RAB3C: variants seen among roughly 807,000 people sequenced by gnomAD.
RAB3C encodes ras-related protein Rab-3C.
RAB3C carries 17 observed loss-of-function variants against 26.4 expected under a neutral mutation model. The observed-to-expected ratio is 0.64, with a 90% CI of 0.44 to 0.97. RAB3C has a LOEUF of 0.97. RAB3C is among the 50% of genes least tolerant of loss of function. The pLI is 0.00. For synonymous variants in RAB3C, 91 were observed against 95.9 expected, an observed-to-expected ratio of 0.95 and a Z score of 0.30; for missense variants, 242 against 281.9, an observed-to-expected ratio of 0.86 and a Z score of 1.01.
chr5:58,719,766 G>GT (rs1740702532), intron 2 of RAB3C, among the ~76,000 whole-genome samples: 1 of 151,854 alleles, frequency 6.6e-6, no homozygotes, highest in Non-Finnish European at 1.5e-5. Context: ...TCTCTAAAGT[G>GT]TTATGTATAT....
At chr5:58,584,750 G>T (rs1295056959) in intron 1 of RAB3C, among the ~76,000 whole-genome samples, 1 of 152,000 alleles carries the variant, frequency 6.6e-6, no homozygotes, top group African/African-American at 2.4e-5. Flanking sequence ...AAAGTAGATT[G>T]TTAATATTTA....
At chr5:58,837,659 A>G (rs1743781637) in intron 4 of RAB3C, among the ~76,000 whole-genome samples, 1 of 151,034 alleles carries the variant, frequency 6.6e-6, no homozygotes, top group Non-Finnish European at 1.5e-5. Context: ...CCAAGGTTCA[A>G]GTGATTCTTC....
intron 2 of RAB3C, among the ~76,000 whole-genome samples, chr5:58,722,193 G>A (rs571599541): frequency 6.6e-6 from 1 of 151,984 alleles, no homozygotes; most frequent in South Asian, 2.1e-4. Flanking sequence ...AAGAGGTCAA[G>A]AAGGAAGAGA....
intron 2 of RAB3C, among the ~76,000 whole-genome samples, chr5:58,691,945 A>G (rs1022421214): frequency 2.0e-5 from 3 of 152,156 alleles, no homozygotes; most frequent in African/African-American, 4.8e-5. Context: ...AGATTCATGG[A>G]CCCAAGCATA....
At chr5:58,588,613 T>C (rs1746061495) in intron 1 of RAB3C, among the ~76,000 whole-genome samples, 1 of 152,120 alleles carries the variant, frequency 6.6e-6, no homozygotes, top group Non-Finnish European at 1.5e-5. Context: ...TCAAGTCAGG[T>C]AGATATATAA....
intron 2 of RAB3C, among the ~76,000 whole-genome samples, chr5:58,637,217 A>G (rs996310889): frequency 1.3e-5 from 2 of 151,914 alleles, no homozygotes; most frequent in Admixed American, 6.6e-5. Flanking sequence ...TCTTTTAGTA[A>G]GCCTTTCTGG....
intron 4 of RAB3C, among the ~76,000 whole-genome samples, chr5:58,847,979 C>T (rs2112087834): frequency 6.6e-6 from 1 of 152,296 alleles, no homozygotes; most frequent in Middle Eastern, 3.4e-3. Context: ...GGCTCAGCCT[C>T]CTGAGTAGCT....
At chr5:58,776,897 A>T (rs1402277655) in intron 3 of RAB3C, among the ~76,000 whole-genome samples, 1 of 152,190 alleles carries the variant, frequency 6.6e-6, no homozygotes, top group Non-Finnish European at 1.5e-5. Context: ...CAGTATGTAT[A>T]TAACTTCTGC....
rs369086869 is a variant in RAB3C, at chr5:58,658,669, G to A, written c.252+40799G>A. Among the ~76,000 whole-genome samples the A allele has an allele frequency of 7.9e-5, 12 of 152,242 alleles. 1 individual carries two copies. In the East Asian group the frequency reaches 1.5e-3, roughly 20 times the overall value. On this transcript the variant is annotated intron_variant, in intron 2 of 4. Transcript: ENST00000282878. The stretch of plus-strand genomic sequence containing the variant: ...CAATTTGGACTGGGTTTAGCTGGGT[G>A]GCTCTTCTGGTCCTGATTAGATTCT...
At chr5:58,708,598 G>A (rs946109945) in intron 2 of RAB3C, among the ~76,000 whole-genome samples, 4 of 152,190 alleles carry the variant, frequency 2.6e-5, no homozygotes, top group African/African-American at 9.6e-5. Flanking sequence ...AATTCAAGCA[G>A]TAGAGTCTGT....
At chr5:58,820,265 C>T (rs892015351) in intron 3 of RAB3C, among the ~76,000 whole-genome samples, 2 of 151,182 alleles carry the variant, frequency 1.3e-5, no homozygotes, top group African/African-American at 4.9e-5. Context: ...TTCAAAGCAA[C>T]AAGAAGCTGA....
chr5:58,828,648 G>A (rs1306018043), intron 4 of RAB3C, among the ~76,000 whole-genome samples: 1 of 152,226 alleles, frequency 6.6e-6, no homozygotes, highest in Non-Finnish European at 1.5e-5. Context: ...TAGAGTAGTG[G>A]TCTAATCATC....
chr5:58,586,764 G>T (rs1746016831), intron 1 of RAB3C, among the ~76,000 whole-genome samples: 1 of 152,082 alleles, frequency 6.6e-6, no homozygotes, highest in Admixed American at 6.6e-5. Context: ...AGATGAGGAG[G>T]ATTGAAGAAG....
At chr5:58,627,464 T>A (rs1747079251) in intron 2 of RAB3C, among the ~76,000 whole-genome samples, 1 of 71,872 alleles carries the variant, frequency 1.4e-5, no homozygotes, top group African/African-American at 5.0e-5. Flanking sequence ...AGAGCGAGAC[T>A]CCGTCTTAAA....
intron 2 of RAB3C, among the ~76,000 whole-genome samples, chr5:58,646,013 CG>C (rs955352297): frequency 1.3e-5 from 2 of 152,136 alleles, no homozygotes; most frequent in African/African-American, 4.8e-5. Context: ...CTGGAGTGTG[CG>C]GGACATTCTA....
intron 1 of RAB3C, among the ~76,000 whole-genome samples, chr5:58,597,538 GCA>G (rs1330008612): frequency 5.5e-5 from 6 of 109,102 alleles, no homozygotes; most frequent in African/African-American, 1.4e-4. Context: ...TTATATATAA[GCA>G]TATAACAATA....
intron 2 of RAB3C, among the ~76,000 whole-genome samples, chr5:58,673,006 A>G (rs984264953): frequency 1.3e-5 from 2 of 152,190 alleles, no homozygotes; most frequent in African/African-American, 4.8e-5. Context: ...ATATGTTAGT[A>G]TTTAATTCTG....
intron 3 of RAB3C, among the ~76,000 whole-genome samples, chr5:58,803,689 T>C (rs142989480): frequency 6.6e-6 from 1 of 152,246 alleles, no homozygotes; most frequent in East Asian, 1.9e-4. Flanking sequence ...AGAAGATGGC[T>C]AGGGGATCAG....
In RAB3C at chr5:58,857,142, G is replaced by A. The variant is rs1159972727; in HGVS notation, c.*5791G>A. The A allele has an allele frequency of 6.6e-6, 1 of 152,162 alleles. No homozygotes were observed. The highest frequency in any genetic ancestry group is 1.5e-5 in the Non-Finnish European group (1 of 68,032). The allele number at this position is 152,162 out of a possible 1,614,324, so 9.4% of individuals were successfully genotyped here. ...TCAGTGTATATAAACTAGTATGAAA[G>A]AGTGAATTATAATGAATGTGTGAGA... is the stretch of plus-strand genomic sequence containing the variant. On this transcript the variant is annotated 3_prime_UTR_variant, in exon 5 of 5. Coordinates refer to ENST00000282878, the MANE Select transcript of RAB3C (RefSeq NM_138453.4).
Sources: allele counts gnomAD v4.1 joint callset (sites outside exome capture counted in the v4.1 genomes callset), GRCh38; gene constraint gnomAD v4.1.1; transcripts MANE v1.5; gene names NCBI Gene and HGNC (gene_info 2026-07-23, HGNC 2026-07-21).